DNMT3A: variants seen among roughly 807,000 people sequenced by gnomAD.
The protein encoded by DNMT3A is DNA methyltransferase 3 alpha.
Under a neutral mutation model 117.6 loss-of-function variants are expected in DNMT3A, and 267 were observed. The ratio of observed to expected loss-of-function variants is 2.27; its 90% CI spans 2.05 to 2.51. DNMT3A has a LOEUF of 2.51. Ranked by LOEUF, DNMT3A falls within the 30% of genes most tolerant of loss-of-function variation. DNMT3A has a pLI of 0.00. For synonymous variants in DNMT3A, 432 were observed against 474.8 expected (o/e 0.91, Z 1.17); for missense variants, 1,029 against 1,260.2 (o/e 0.82, Z 2.78).
At chr2:25,279,316 G>C (rs1036631759) in intron 4 of DNMT3A, among the ~76,000 whole-genome samples, 1 of 152,168 alleles carries the variant, frequency 6.6e-6, no homozygotes, top group Admixed American at 6.5e-5. Context: ...GCTAATGAAA[G>C]GGGTTCCAGG....
rs2033681384 is a variant in DNMT3A at position 25,304,481 on chromosome 2, C to A, written c.73-4238G>T. ...CTGCCTCGTGCAAATCCCAGCACGCCGCCCACCATATGCAGCGATCCCTCA... is the reference window on the plus strand; with the variant it reads ...CTGCCTCGTGCAAATCCCAGCACGCAGCCCACCATATGCAGCGATCCCTCA... On this transcript the variant is annotated intron_variant, in intron 2 of 22. Transcript: ENST00000321117. The surrounding 1 kb of genome is among the most constrained non-coding windows in gnomAD (Gnocchi z 4.3). Among the ~76,000 whole-genome samples, 1 of 152,194 alleles carries A rather than the reference C, an allele frequency of 6.6e-6. No homozygotes were observed. The highest frequency in any genetic ancestry group is 1.5e-5 in the Non-Finnish European group (1 of 68,038).
intron 20 of DNMT3A, 88 bp downstream of exon 20, chr2:25,239,042 A>G (rs1044066105): frequency 4.8e-5 from 56 of 1,155,312 alleles, no homozygotes; most frequent in Non-Finnish European, 6.9e-5. Context: ...CCGGCCAGAG[A>G]GGGCCCGGCT....
intron 4 of DNMT3A, among the ~76,000 whole-genome samples, chr2:25,277,874 A>AC (rs1447603241): frequency 6.6e-6 from 1 of 150,692 alleles, no homozygotes; most frequent in Non-Finnish European, 1.5e-5. Context: ...TCTCAATGTG[A>AC]CCCCCTTCCT....
chr2:25,286,081 G>A lies in DNMT3A; in HGVS notation c.178-3370C>T, dbSNP rs2032287620. On this transcript the variant is annotated intron_variant, in intron 3 of 22. Coordinates refer to ENST00000321117, the MANE Select transcript of DNMT3A (RefSeq NM_022552.5). The surrounding 1 kb of genome is among the most constrained non-coding windows in gnomAD (Gnocchi z 4.3). ...CACCTCAGATTGGGGCAGGCTCTGA[G>A]CCCCGCAAAGCTGCTGGAGGCAACT... Among the ~76,000 whole-genome samples, 1 of 152,232 alleles carries A rather than the reference G, an allele frequency of 6.6e-6. No individual in the cohort carries two copies. The highest frequency in any genetic ancestry group is 2.4e-5 in the African/African-American group (1 of 41,456).
In DNMT3A at chr2:25,306,088, T is replaced by C. The variant is rs2033768144; in HGVS notation, c.73-5845A>G. On this transcript the variant is annotated intron_variant, in intron 2 of 22. Coordinates refer to ENST00000321117, the MANE Select transcript of DNMT3A (RefSeq NM_022552.5). This position sits in a 1 kb window ranked among gnomAD's most constrained non-coding sequence, Gnocchi z 4.1. The stretch of plus-strand genomic sequence containing the variant: ...TGGTCATGGAATTCAGTGAAACGAA[T>C]TGGCTTCTGCAAGAGGCAGAGCCCT... Among the ~76,000 whole-genome samples, 1 of 152,222 alleles carries C rather than the reference T, an allele frequency of 6.6e-6. No individual in the cohort carries two copies. Among genetic ancestry groups the C allele is most frequent in the South Asian group, 2.1e-4 (1 of 4,836 alleles).
intron 3 of DNMT3A, among the ~76,000 whole-genome samples, chr2:25,292,814 A>C (rs1023845931): frequency 6.6e-6 from 1 of 152,072 alleles, no homozygotes; most frequent in African/African-American, 2.4e-5. Context: ...AAGAAAGCCC[A>C]TGTCAACAGC....
At position 25,296,414 on chromosome 2, in the gene DNMT3A, AG is replaced by A. The variant is rs2033091260; in HGVS notation, c.177+3724del. ...GAGAAGGTGAGGTTTCTGTGGCCAA[AG>A]GGGTGGCATCAGGCATAGCAGGGAA... On this transcript the variant is annotated intron_variant, in intron 3 of 22. Transcript: ENST00000321117. This position sits in a 1 kb window ranked among gnomAD's most constrained non-coding sequence, Gnocchi z 4.2. Among the ~76,000 whole-genome samples the A allele has an allele frequency of 6.6e-6, 1 of 152,112 alleles. No homozygotes were observed. The highest frequency in any genetic ancestry group is 1.5e-5 in the Non-Finnish European group (1 of 67,994).
chr2:25,337,059 C>T lies in DNMT3A; in HGVS notation c.-178+4767G>A, dbSNP rs1001316231. Among the ~76,000 whole-genome samples, 1 of 152,210 alleles carries T rather than the reference C, an allele frequency of 6.6e-6. No homozygotes were observed. The highest frequency in any genetic ancestry group is 2.4e-5 in the African/African-American group (1 of 41,448). On this transcript the variant is annotated intron_variant, in intron 1 of 22. Transcript: ENST00000321117. The surrounding 1 kb of genome is among the most constrained non-coding windows in gnomAD (Gnocchi z 5.0). ...CATGGCTTACAGGAAATGCTCAGCA[C>T]ATCTCTGGAAAATGGAAGCGAATAC...
At chr2:25,277,251 CT>C (rs1175702448) in intron 4 of DNMT3A, among the ~76,000 whole-genome samples, 2 of 152,200 alleles carry the variant, frequency 1.3e-5, no homozygotes, top group Admixed American at 1.3e-4. Context: ...TCCCTGTTTC[CT>C]TTCCGTCCTC....
intron 6 of DNMT3A, among the ~76,000 whole-genome samples, chr2:25,266,878 T>C (rs1349111327): frequency 6.6e-6 from 1 of 152,210 alleles, no homozygotes; most frequent in African/African-American, 2.4e-5. Flanking sequence ...TCATAAAATG[T>C]AAAATGCACA....
intron 1 of DNMT3A, among the ~76,000 whole-genome samples, chr2:25,332,350 A>C (rs918017212): frequency 6.6e-6 from 1 of 152,118 alleles, no homozygotes; most frequent in Non-Finnish European, 1.5e-5. Context: ...CCTCCTTTAG[A>C]AAGCCCTTCC....
At chr2:25,283,331 C>T (rs895794729) in intron 3 of DNMT3A, among the ~76,000 whole-genome samples, 1 of 147,310 alleles carries the variant, frequency 6.8e-6, no homozygotes, top group African/African-American at 2.5e-5. Flanking sequence ...CATTGCACTC[C>T]AGCCTTGCGA....
intron 2 of DNMT3A, among the ~76,000 whole-genome samples, chr2:25,310,699 G>A (rs55928417): frequency 2.0e-5 from 3 of 152,042 alleles, no homozygotes; most frequent in Non-Finnish European, 2.9e-5. Context: ...TTCCAGGTCC[G>A]GGGGATTCAC....
intron 3 of DNMT3A, among the ~76,000 whole-genome samples, chr2:25,287,736 C>CG (rs764529283): frequency 6.0e-5 from 9 of 149,640 alleles, no homozygotes; most frequent in Non-Finnish European, 1.2e-4. Context: ...GACACCCCCG[C>CG]CCCCAACAGA....
chr2:25,338,576 A>C (rs1463790658), intron 1 of DNMT3A, among the ~76,000 whole-genome samples: 2 of 152,098 alleles, frequency 1.3e-5, no homozygotes, highest in Admixed American at 6.5e-5. Context: ...AGAGGACTGG[A>C]GGGCAGTGCG....
At chr2:25,235,354 T>A (rs1387264397) in intron 22 of DNMT3A, among the ~76,000 whole-genome samples, 2 of 152,118 alleles carry the variant, frequency 1.3e-5, no homozygotes, top group Non-Finnish European at 2.9e-5. Context: ...CCAGCTAATT[T>A]TTGTATTTTT....
At chr2:25,334,008 T>C (rs549259358) in intron 1 of DNMT3A, among the ~76,000 whole-genome samples, 1 of 152,334 alleles carries the variant, frequency 6.6e-6, no homozygotes, top group Admixed American at 6.5e-5. Context: ...AGCTGGTTTG[T>C]AGAGGGGCCA....
At chr2:25,322,092 G>A (rs1395643154) in intron 1 of DNMT3A, among the ~76,000 whole-genome samples, 1 of 152,206 alleles carries the variant, frequency 6.6e-6, no homozygotes, top group East Asian at 1.9e-4. Context: ...ACAGCCAAGA[G>A]AATCGAAAGC....
At position 25,230,802 on chromosome 2, in the gene DNMT3A, G is replaced by C. The variant is rs952813322; in HGVS notation, c.*3477C>G. 17 of 142,092 alleles carry C rather than the reference G, an allele frequency of 1.2e-4. 1 individual carries two copies. Among genetic ancestry groups the C allele is most frequent in the Admixed American group, 2.8e-4 (4 of 14,420 alleles). The allele number at this position is 142,092 out of a possible 1,614,324, so 8.8% of individuals were successfully genotyped here. A position where few individuals can be genotyped will look rare whatever the true frequency, so the allele number is the denominator to read the frequency against. ...TCTCGTCCCTGCAAGGGGGGGGGGG[G>C]GGGGGCCATGACCCCTGGGGCATCT... On this transcript the variant is annotated 3_prime_UTR_variant, in exon 23 of 23. Coordinates refer to ENST00000321117, the MANE Select transcript of DNMT3A (RefSeq NM_022552.5).
Sources: allele counts gnomAD v4.1 joint callset (sites outside exome capture counted in the v4.1 genomes callset), GRCh38; gene constraint gnomAD v4.1.1; non-coding constraint Gnocchi (gnomAD v3.1); transcripts MANE v1.5; gene names NCBI Gene and HGNC (gene_info 2026-07-23, HGNC 2026-07-21).